SRRT: variants seen among roughly 807,000 people sequenced by gnomAD.
SRRT encodes the protein serrate RNA effector molecule homolog.
SRRT carries 32 observed loss-of-function variants against 103.2 expected under a neutral mutation model. That is an observed-to-expected ratio of 0.31 (90% confidence interval 0.23 to 0.42). The LOEUF is 0.42. Among genes scored for constraint, SRRT ranks in the 10% least tolerant of loss-of-function variants. The probability of loss-of-function intolerance (pLI) is 1.00; values close to 1 mark genes in which losing one functional copy is unlikely to be tolerated. For synonymous variants in SRRT, 525 were observed against 449.0 expected, an observed-to-expected ratio of 1.17 and a Z score of -2.14; for missense variants, 986 against 1,207.5, an observed-to-expected ratio of 0.82 and a Z score of 2.72.
rs770028883 is a variant in SRRT at position 100,885,201 on chromosome 7, C to T, written c.1160-12C>T. On this transcript the variant is annotated splice_polypyrimidine_tract_variant and intron_variant, in intron 9 of 19. Coordinates refer to ENST00000611405, the MANE Select transcript of SRRT (RefSeq NM_015908.6). This position sits in a 1 kb window ranked among gnomAD's most constrained non-coding sequence, Gnocchi z 4.8. ...AATGCACCAACTCCTTCCTACCCCC[C>T]TTCCTGCCTAGAAGAAGCGCTCAAG... The T allele has an allele frequency of 6.2e-7, 1 of 1,611,704 alleles. No homozygotes were observed. Among genetic ancestry groups the T allele is most frequent in the Admixed American group, 1.7e-5 (1 of 59,656 alleles).
In SRRT at chr7:100,887,919, GT is replaced by G. The variant is rs1325076663; in HGVS notation, c.2326+63del. On this transcript the variant is annotated intron_variant, in intron 17 of 19. Coordinates refer to ENST00000611405, the MANE Select transcript of SRRT (RefSeq NM_015908.6). The surrounding 1 kb of genome is among the most constrained non-coding windows in gnomAD (Gnocchi z 4.1). ...CTTCCTTGACTACCCAGGGACTCCT[GT>G]TTCTCTTTAACGTGTCACCCCGAGA... The G allele has an allele frequency of 7.0e-6, 11 of 1,562,986 alleles. No homozygotes were observed. The highest frequency in any genetic ancestry group is 9.6e-6 in the Non-Finnish European group (11 of 1,150,648).
rs1375882160 is a variant in SRRT, at chr7:100,886,003, C to CT, written c.1458+63dup. 2.6e-6 allele frequency: 4 copies of CT among 1,560,000 alleles called. No homozygotes were observed. The Admixed American group carries it at 6.7e-5, about 26-fold the overall frequency. On this transcript the variant is annotated intron_variant, in intron 12 of 19. Transcript: ENST00000611405. ...GGAGACTCTGTGCCACACGGGACCT[C>CT]TGTGTGACTTTGTTCATCTGATAGT...
rs1789702391 is a variant in SRRT at position 100,882,792 on chromosome 7, A to G, written c.587+551A>G. On this transcript the variant is annotated intron_variant, in intron 5 of 19. Transcript: ENST00000611405. The surrounding 1 kb of genome is among the most constrained non-coding windows in gnomAD (Gnocchi z 4.2). ...CCAGAACTGGGAACTACACCCGCTC[A>G]TCGACGGAGCTCGGAGCAAACCCAC... The G allele has an allele frequency of 6.5e-6, 1 of 154,052 alleles. No individual in the cohort carries two copies. The highest frequency in any genetic ancestry group is 6.5e-5 in the Admixed American group (1 of 15,474). 9.5% of individuals were successfully genotyped at this position (154,052 alleles called of 1,614,324 possible).
chr7:100,886,416 G>T lies in SRRT; in HGVS notation c.1628G>T (p.Gly543Val), dbSNP rs771135108. 6.2e-7 allele frequency: 1 copy of T among 1,612,786 alleles called. No homozygotes were observed. Among genetic ancestry groups the T allele is most frequent in the Non-Finnish European group, 8.5e-7 (1 of 1,179,838 alleles). ...ACACAGCTTTGGGCCTCAGAACCAG[G>T]GACGCCTCCCCTGCCCACGGTCAGT... The part of the protein sequence containing the change: ...DRTQLWASEP[G>V]TPPLPTSLPS... Residue 543 changes from glycine to valine, a missense_variant, in exon 13 of 20, where the codon GGG becomes GTG. This residue lies in a region of SRRT where 349 missense variants were observed against 446.9 expected (regional missense o/e 0.78). Coordinates refer to ENST00000611405, the MANE Select transcript of SRRT (RefSeq NM_015908.6).
chr7:100,875,656 C>T lies in SRRT; in HGVS notation c.66C>T (p.Asp22=). ...ACAAGTTCAGAAGAGAGCGCAGCGA[C>T]TACGACCGTTCCCGCGAGAGAGATG... The part of the protein sequence containing the change: ...RRDKFRRERS[D]YDRSRERDER... Residue 22 remains aspartate (D), a synonymous_variant, in exon 2 of 20, where the codon GAC becomes GAT. Transcript: ENST00000611405. The T allele has an allele frequency of 6.2e-7, 1 of 1,614,212 alleles. No individual in the cohort carries two copies. The highest frequency in any genetic ancestry group is 1.1e-5 in the South Asian group (1 of 91,090).
chr7:100,885,748 C>T lies in SRRT; in HGVS notation c.1365C>T (p.Pro455=), dbSNP rs375704625. The T allele has an allele frequency of 1.2e-6, 2 of 1,613,886 alleles. No homozygotes were observed. The highest frequency in any genetic ancestry group is 2.7e-5 in the African/African-American group (2 of 74,852). ...PGFMRVALSE[P]QPERRFFRRG... is the part of the protein sequence containing the mutation. ...TTATGCGGGTGGCGCTCTCAGAGCCCCAGCCAGAGAGGAGGTGAGTAACTC... is the reference window on the plus strand; with the variant it reads ...TTATGCGGGTGGCGCTCTCAGAGCCTCAGCCAGAGAGGAGGTGAGTAACTC... Residue 455 remains proline, a synonymous_variant, in exon 11 of 20, where the codon CCC becomes CCT. Transcript: ENST00000611405. This position sits in a 1 kb window ranked among gnomAD's most constrained non-coding sequence, Gnocchi z 4.8.
In SRRT at chr7:100,881,733, A is replaced by G; in HGVS notation, c.326A>G (p.Tyr109Cys). 1 of 1,613,780 alleles carries G rather than the reference A, an allele frequency of 6.2e-7. No individual in the cohort carries two copies. Among genetic ancestry groups the G allele is most frequent in the East Asian group, 2.2e-5 (1 of 44,852 alleles). The change falls in exon 4 of 20, where the codon TAT becomes TGT. Residue 109 changes from tyrosine (Y) to cysteine (C), a missense_variant. Around this residue, in one of 6 missense-constraint regions of SRRT, gnomAD observed 274 missense variants for 358.5 expected, o/e 0.76. Transcript: ENST00000611405. ...GCTGGGGGGGGTGGGGGCCCAACTT[A>G]TGGCCCCCCTCAGCCCTGGGGCCAC... ...PYAGGGGGPT[Y>C]GPPQPWGHPD... is the part of the protein sequence containing the mutation.
At position 100,886,351 on chromosome 7, in the gene SRRT, C is replaced by G. The variant is rs751168051; in HGVS notation, c.1563C>G (p.Ile521Met). 6.2e-7 allele frequency: 1 copy of G among 1,613,778 alleles called. No individual in the cohort carries two copies. Residue 521 changes from isoleucine (I) to methionine (M), a missense_variant, in exon 13 of 20, where the codon ATC becomes ATG. Ile to Met is a conservative substitution (Grantham distance 10, BLOSUM62 1). This residue lies in a region of SRRT where 349 missense variants were observed against 446.9 expected (regional missense o/e 0.78). Transcript: ENST00000611405. ...ACAAGCAGATTGTGCGCAACGACAT[C>G]AAGCTGGCGGCCAAGCTGATCCACA... Reference protein sequence around the residue: ...TQHKQIVRNDIKLAAKLIHTL... With the variant: ...TQHKQIVRNDMKLAAKLIHTL...
rs746059520 is a variant in SRRT, at chr7:100,887,458, C to T, written c.2114C>T (p.Thr705Met). 2.6e-5 allele frequency: 42 copies of T among 1,614,044 alleles called. No individual in the cohort carries two copies. The highest frequency in any genetic ancestry group is 1.6e-4 in the Middle Eastern group (1 of 6,084). ...GTGGAGAAGTTCGTCACCTCCAACA[C>T]GCAGGAACTGGGCAAGGATAAGTGG... is the stretch of plus-strand genomic sequence containing the variant. Reference protein sequence around the residue: ...QEVEKFVTSNTQELGKDKWLC... With the variant: ...QEVEKFVTSNMQELGKDKWLC... Residue 705 changes from threonine (T) to methionine (M), a missense_variant, in exon 16 of 20, where the codon ACG (threonine) becomes ATG (methionine). Thr to Met is a moderately conservative substitution (Grantham distance 81). Around this residue, in one of 6 missense-constraint regions of SRRT, gnomAD observed 349 missense variants for 446.9 expected, o/e 0.78. Transcript: ENST00000611405. The surrounding 1 kb of genome is among the most constrained non-coding windows in gnomAD (Gnocchi z 4.1).
rs1431549020 is a variant in SRRT at position 100,882,089 on chromosome 7, G to A, written c.435G>A (p.Pro145=). The A allele has an allele frequency of 1.9e-6, 3 of 1,613,896 alleles. No homozygotes were observed. Among genetic ancestry groups the A allele is most frequent in the African/African-American group, 2.7e-5 (2 of 75,008 alleles). ...GSIAEIDLGV[P]PPVMKTFKEF... ...TTGCAGAGATTGACCTGGGTGTGCC[G>A]CCGCCCGTGATGAAGACCTTCAAGG... The change falls in exon 5 of 20, where the codon CCG becomes CCA. Residue 145 remains proline (P), a synonymous_variant. Coordinates refer to ENST00000611405, the MANE Select transcript of SRRT (RefSeq NM_015908.6). The surrounding 1 kb of genome is among the most constrained non-coding windows in gnomAD (Gnocchi z 4.2).
chr7:100,883,804 C>T (rs899639292), intron 5 of SRRT, among the ~76,000 whole-genome samples: 1 of 152,162 alleles, frequency 6.6e-6, no homozygotes, highest in East Asian at 1.9e-4. Flanking sequence ...CCTACCCTGG[C>T]GTCCCCCTGT....
chr7:100,880,449 G>A lies in SRRT; in HGVS notation c.123-836G>A, dbSNP rs180848855. On this transcript the variant is annotated intron_variant, in intron 2 of 19. Coordinates refer to ENST00000611405, the MANE Select transcript of SRRT (RefSeq NM_015908.6). Reference sequence around the variant, plus strand: ...TCCCGAGTAGCTGGGACTACAGGTGGCTGCCACCACGCCTGGCTAATTTTT... The same window carrying A: ...TCCCGAGTAGCTGGGACTACAGGTGACTGCCACCACGCCTGGCTAATTTTT... Among the ~76,000 whole-genome samples, 682 of 152,178 alleles carry A rather than the reference G, an allele frequency of 4.5e-3. 4 individuals carry two copies. The highest frequency in any genetic ancestry group is 0.015 in the African/African-American group (643 of 41,534).
In SRRT at chr7:100,883,979, G is replaced by A. The variant is rs1789822420; in HGVS notation, c.588-91G>A. On this transcript the variant is annotated intron_variant, in intron 5 of 19. Transcript: ENST00000611405. ...CTTTTGTGGTTGTGAGAGGAAGGGGGATATGCCCTGTCTTTCCTGGGCCCC... is the reference window on the plus strand; with the variant it reads ...CTTTTGTGGTTGTGAGAGGAAGGGGAATATGCCCTGTCTTTCCTGGGCCCC... The A allele has an allele frequency of 2.9e-6, 4 of 1,379,214 alleles. No homozygotes were observed. In the South Asian group the frequency reaches 4.3e-5, roughly 15 times the overall value. 85.4% of individuals were successfully genotyped at this position (1,379,214 alleles called of 1,614,324 possible).
In SRRT at chr7:100,885,457, G is replaced by GCC; in HGVS notation, c.1317+91_1317+92dup. 1 of 1,385,742 alleles carries GCC rather than the reference G, an allele frequency of 7.2e-7. No homozygotes were observed. Among genetic ancestry groups the GCC allele is most frequent in the Non-Finnish European group, 9.8e-7 (1 of 1,017,642 alleles). 85.8% of individuals were successfully genotyped at this position (1,385,742 alleles called of 1,614,324 possible). On this transcript the variant is annotated intron_variant, in intron 10 of 19. Transcript: ENST00000611405. The surrounding 1 kb of genome is among the most constrained non-coding windows in gnomAD (Gnocchi z 4.8). ...CAGTGGGGCCCTGCCTGTGACAGATGCCCCCGTTTCACCTGCTAGGGAGGC... is the reference window on the plus strand; with the variant it reads ...CAGTGGGGCCCTGCCTGTGACAGATGCCCCCCCGTTTCACCTGCTAGGGAGGC...
chr7:100,886,130 C>A, intron 12 of SRRT, 117 bp from the exon 13 acceptor site: 3 of 1,320,050 alleles, frequency 2.3e-6, no homozygotes, highest in Non-Finnish European at 2.1e-6. Context: ...GTCCCCGTCC[C>A]CAGGGAGCTC....
rs772294248 is a variant in SRRT at position 100,887,459 on chromosome 7, G to A, written c.2115G>A (p.Thr705=). 4 of 1,614,040 alleles carry A rather than the reference G, an allele frequency of 2.5e-6. No homozygotes were observed. The highest frequency in any genetic ancestry group is 3.3e-5 in the Admixed American group (2 of 59,998). Reference sequence around the variant, plus strand: ...TGGAGAAGTTCGTCACCTCCAACACGCAGGAACTGGGCAAGGATAAGTGGC... The same window carrying A: ...TGGAGAAGTTCGTCACCTCCAACACACAGGAACTGGGCAAGGATAAGTGGC... ...QEVEKFVTSN[T]QELGKDKWLC... is the part of the protein sequence containing the mutation. Residue 705 remains threonine, a synonymous_variant, in exon 16 of 20, where the codon ACG becomes ACA. Transcript: ENST00000611405. This position sits in a 1 kb window ranked among gnomAD's most constrained non-coding sequence, Gnocchi z 4.1.
chr7:100,882,011 G>A lies in SRRT; in HGVS notation c.399-42G>A, dbSNP rs1291538399. On this transcript the variant is annotated intron_variant, in intron 4 of 19. Coordinates refer to ENST00000611405, the MANE Select transcript of SRRT (RefSeq NM_015908.6). The surrounding 1 kb of genome is among the most constrained non-coding windows in gnomAD (Gnocchi z 4.2). ...ACTTTGGCCCCTGTAGCCTCCCACC[G>A]TTCCCCAAAAACCAAGCCTTCCTGA... is the stretch of plus-strand genomic sequence containing the variant. The A allele has an allele frequency of 1.5e-5, 23 of 1,585,328 alleles. No homozygotes were observed. Among genetic ancestry groups the A allele is most frequent in the South Asian group, 2.3e-5 (2 of 87,628 alleles).
rs1790301637 is a variant in SRRT at position 100,887,912 on chromosome 7, G to A, written c.2326+53G>A. ...GTGCCCTCTTCCTTGACTACCCAGG[G>A]ACTCCTGTTTCTCTTTAACGTGTCA... On this transcript the variant is annotated intron_variant, in intron 17 of 19. Coordinates refer to ENST00000611405, the MANE Select transcript of SRRT (RefSeq NM_015908.6). This position sits in a 1 kb window ranked among gnomAD's most constrained non-coding sequence, Gnocchi z 4.1. 2.5e-6 allele frequency: 4 copies of A among 1,570,110 alleles called. No homozygotes were observed. The highest frequency in any genetic ancestry group is 3.5e-6 in the Non-Finnish European group (4 of 1,153,584).
In SRRT at chr7:100,885,518, C is replaced by T. The variant is rs1037316149; in HGVS notation, c.1317+148C>T. 43 of 1,084,914 alleles carry T rather than the reference C, an allele frequency of 4.0e-5. No individual in the cohort carries two copies. The East Asian group carries it at 9.6e-4, about 24-fold the overall frequency. 67.2% of individuals were successfully genotyped at this position (1,084,914 alleles called of 1,614,324 possible). Reference sequence around the variant, plus strand: ...GGTTCCATGGCCTCCGAGGACTAGTCCTGATAGCGCCATTGGCTTTCAGGT... The same window carrying T: ...GGTTCCATGGCCTCCGAGGACTAGTTCTGATAGCGCCATTGGCTTTCAGGT... On this transcript the variant is annotated intron_variant, in intron 10 of 19. Coordinates refer to ENST00000611405, the MANE Select transcript of SRRT (RefSeq NM_015908.6). This position sits in a 1 kb window ranked among gnomAD's most constrained non-coding sequence, Gnocchi z 4.8.
Sources: gnomAD v4.1 joint callset for allele counts (sites outside exome capture counted in the v4.1 genomes callset) on GRCh38, gnomAD v4.1.1 for gene constraint, gnomAD v4.1.1 regional missense constraint, Gnocchi (gnomAD v3.1) non-coding constraint, MANE v1.5 for transcripts, NCBI Gene and HGNC (gene_info 2026-07-23, HGNC 2026-07-21) for gene names.